Variants in DAAM1 observed in about 807,000 individuals in gnomAD.
DAAM1 encodes dishevelled associated activator of morphogenesis 1.
Under a neutral mutation model 130.0 loss-of-function variants are expected in DAAM1, and 52 were observed. The ratio of observed to expected loss-of-function variants is 0.40; its 90% CI spans 0.32 to 0.50. The LOEUF is 0.50. Among genes scored for constraint, DAAM1 ranks in the 20% least tolerant of loss-of-function variants. The probability of loss-of-function intolerance (pLI) is 0.61; values close to 1 mark genes in which losing one functional copy is unlikely to be tolerated. For synonymous variants in DAAM1, 452 were observed against 444.5 expected (o/e 1.02, Z -0.21); for missense variants, 1,134 against 1,303.8 (o/e 0.87, Z 2.01).
intron 2 of DAAM1, 129 bp from the exon 3 acceptor site, chr14:59,291,088 G>C (rs914500909): frequency 1.6e-4 from 123 of 763,554 alleles, no homozygotes; most frequent in Middle Eastern, 9.4e-4. Context: ...TTAGCTTCTT[G>C]ATCTTTTTCA....
chr14:59,318,802 A>G (rs1884889606), intron 4 of DAAM1, among the ~76,000 whole-genome samples: 1 of 152,138 alleles, frequency 6.6e-6, no homozygotes, highest in East Asian at 1.9e-4. Context: ...TTTCTTTGAC[A>G]TTTCATAAAT....
At chr14:59,356,545 A>C (rs1410735848) in intron 20 of DAAM1, among the ~76,000 whole-genome samples, 2 of 152,228 alleles carry the variant, frequency 1.3e-5, no homozygotes, top group African/African-American at 4.8e-5. Flanking sequence ...CTATGGTTAC[A>C]ACAAGCAAGG....
chr14:59,313,806 G>C (rs1479151480), intron 3 of DAAM1, among the ~76,000 whole-genome samples: 1 of 152,184 alleles, frequency 6.6e-6, no homozygotes, highest in Non-Finnish European at 1.5e-5. Flanking sequence ...ACCAAGGCCT[G>C]TTTTTAAAAA....
At chr14:59,246,450 C>G (rs1037328526) in intron 1 of DAAM1, among the ~76,000 whole-genome samples, 2 of 152,084 alleles carry the variant, frequency 1.3e-5, no homozygotes, top group Non-Finnish European at 2.9e-5. Context: ...ATTTATTTAT[C>G]TATTGATGAC....
Position 59,331,387 on chromosome 14 carries a change from C to G in DAAM1, c.1739C>G (p.Pro580Arg). Residue 580 changes from proline (P) to arginine (R), a missense_variant, in exon 14 of 25, where the codon CCT becomes CGT. Physicochemically the swap from Pro to Arg is moderately radical, Grantham distance 103. Transcript: ENST00000360909. ...GGTGGCCCTCCTCCTCCCCCAGGGC[C>G]TCCTCCCTTAGGGGCAATCATGCCA... ...PPGGPPPPPG[P>R]PPLGAIMPPP... 2 of 1,613,564 alleles carry G rather than the reference C, an allele frequency of 1.2e-6. No homozygotes were observed. Among genetic ancestry groups the G allele is most frequent in the Non-Finnish European group, 1.7e-6 (2 of 1,179,984 alleles).
chr14:59,262,321 T>C (rs2139504055), intron 1 of DAAM1, among the ~76,000 whole-genome samples: 1 of 152,332 alleles, frequency 6.6e-6, no homozygotes, highest in Non-Finnish European at 1.5e-5. Context: ...ATGCCTATTG[T>C]TCTTCTTTGA....
At chr14:59,344,951 A>T (rs1478907801) in intron 16 of DAAM1, among the ~76,000 whole-genome samples, 2 of 149,248 alleles carry the variant, frequency 1.3e-5, no homozygotes, top group African/African-American at 4.9e-5. Context: ...CACAGAACTA[A>T]TTTTTTTTTT....
chr14:59,212,431 C>A (rs1888453795), intron 1 of DAAM1, among the ~76,000 whole-genome samples: 2 of 152,148 alleles, frequency 1.3e-5, no homozygotes, highest in Non-Finnish European at 2.9e-5. Flanking sequence ...TGAAAACTCT[C>A]CAGTGTTTTA....
intron 1 of DAAM1, among the ~76,000 whole-genome samples, chr14:59,192,549 G>T (rs183401404): frequency 5.6e-4 from 86 of 152,298 alleles, no homozygotes; most frequent in African/African-American, 2.0e-3. Flanking sequence ...ACAAAGCAAG[G>T]TGTCCAACTT....
intron 1 of DAAM1, among the ~76,000 whole-genome samples, chr14:59,225,754 T>G (rs1888922645): frequency 6.6e-6 from 1 of 152,206 alleles, no homozygotes; most frequent in African/African-American, 2.4e-5. Flanking sequence ...CAAGGTTTGA[T>G]CTAGTTTCCT....
Position 59,211,428 on chromosome 14 carries a change from G to A in DAAM1, c.-38+22660G>A, listed in dbSNP as rs554259265. On this transcript the variant is annotated intron_variant, in intron 1 of 24. Coordinates refer to ENST00000360909, the MANE Select transcript of DAAM1 (RefSeq NM_001270520.2). ...CCCTGTGCATTTGTTTGGGGGACAC[G>A]TTTGACCCAGTGGTGTAATAGTTGT... 1.2e-4 allele frequency among the ~76,000 whole-genome samples: 19 copies of A among 152,316 alleles called. 1 individual carries two copies. The highest frequency in any genetic ancestry group is 3.4e-3 in the Middle Eastern group (1 of 294).
intron 1 of DAAM1, 141 bp from the exon 2 acceptor site, chr14:59,263,300 C>A: frequency 1.5e-6 from 1 of 662,076 alleles, no homozygotes; most frequent in Non-Finnish European, 2.6e-6. Context: ...TCCAAACCCA[C>A]TCGGTGTTGT....
rs761380184 is a variant in DAAM1, at chr14:59,347,500, C to G, written c.2076-39C>G. 8.9e-6 allele frequency: 14 copies of G among 1,579,468 alleles called. No individual in the cohort carries two copies. The Admixed American group carries it at 2.4e-4, about 27-fold the overall frequency. On this transcript the variant is annotated intron_variant, in intron 16 of 24. Transcript: ENST00000360909. The stretch of plus-strand genomic sequence containing the variant: ...GTGAATTATGTTAAATTTTAATACT[C>G]AAACCAATATGGTTAATAACAAAAT...
intron 1 of DAAM1, among the ~76,000 whole-genome samples, chr14:59,200,938 G>T (rs570316620): frequency 9.2e-4 from 140 of 152,172 alleles, no homozygotes; most frequent in African/African-American, 3.2e-3. Flanking sequence ...AAGGCGGGCG[G>T]ATCACGAGGT....
chr14:59,363,312 T>A (rs2139687572), intron 22 of DAAM1: 1 of 205,938 alleles, frequency 4.9e-6, no homozygotes, highest in East Asian at 1.4e-4. Flanking sequence ...CACAAACCCT[T>A]AAAATTCAGT....
chr14:59,208,183 T>C (rs1158892859), intron 1 of DAAM1, among the ~76,000 whole-genome samples: 1 of 152,200 alleles, frequency 6.6e-6, no homozygotes, highest in Non-Finnish European at 1.5e-5. Context: ...TACATGGTAC[T>C]GAGAAATAAA....
intron 17 of DAAM1, among the ~76,000 whole-genome samples, chr14:59,349,467 T>G (rs1886204959): frequency 6.6e-6 from 1 of 152,268 alleles, no homozygotes; most frequent in African/African-American, 2.4e-5. Flanking sequence ...GATAATTCTG[T>G]GTGTGTCTTG....
chr14:59,341,251 C>G (rs1422262978), intron 16 of DAAM1, among the ~76,000 whole-genome samples: 1 of 152,156 alleles, frequency 6.6e-6, no homozygotes, highest in African/African-American at 2.4e-5. Flanking sequence ...ACTTCTGCCT[C>G]TGGCTGAAAG....
At chr14:59,204,109 A>G (rs950695206) in intron 1 of DAAM1, among the ~76,000 whole-genome samples, 3 of 152,250 alleles carry the variant, frequency 2.0e-5, no homozygotes, top group Non-Finnish European at 4.4e-5. Context: ...ATGAAGGTGT[A>G]TTAGTTTTAT....
Sources: allele counts gnomAD v4.1 joint callset (sites outside exome capture counted in the v4.1 genomes callset), GRCh38; gene constraint gnomAD v4.1.1; transcripts MANE v1.5; gene names NCBI Gene and HGNC (gene_info 2026-07-23, HGNC 2026-07-21).